PPM1L: variants seen among roughly 807,000 people sequenced by gnomAD.
PPM1L encodes the protein protein phosphatase, Mg2+/Mn2+ dependent 1L.
In PPM1L, 13 loss-of-function variants were observed where a neutral mutation model predicts 31.4. The observed-to-expected ratio is 0.41, with a 90% confidence interval of 0.27 to 0.66. The LOEUF (loss-of-function observed/expected upper bound fraction) is 0.66, where lower values mean the gene tolerates loss of function less well. PPM1L is among the 30% of genes least tolerant of loss of function. The pLI is 0.29. For missense variants in PPM1L, 326 were observed against 453.7 expected, an observed-to-expected ratio of 0.72 and a Z score of 2.56; for synonymous variants, 184 against 175.4, an observed-to-expected ratio of 1.05 and a Z score of -0.39.
At chr3:160,920,609 TCTCTCTCA>T (rs1299937059) in intron 1 of PPM1L, among the ~76,000 whole-genome samples, 797 of 49,222 alleles carry the variant, frequency 0.016, 17 homozygotes, top group Admixed American at 0.089. Flanking sequence ...TCTCTCTCTC[TCTCTCTCA>T]CACACACACA....
chr3:161,007,109 G>A (rs1717738268), intron 2 of PPM1L, among the ~76,000 whole-genome samples: 1 of 152,216 alleles, frequency 6.6e-6, no homozygotes, highest in Non-Finnish European at 1.5e-5. Flanking sequence ...GTTCTAGACA[G>A]TGTGGATTTA....
chr3:160,994,152 A>T (rs746244312), intron 2 of PPM1L, among the ~76,000 whole-genome samples: 2 of 152,184 alleles, frequency 1.3e-5, no homozygotes, highest in Non-Finnish European at 2.9e-5. Flanking sequence ...TCCAGAAAAT[A>T]GTAATTGGGC....
At position 160,987,859 on chromosome 3, in the gene PPM1L, C is replaced by T. The variant is rs560689336; in HGVS notation, c.574+25949C>T. On this transcript the variant is annotated intron_variant, in intron 2 of 3. Transcript: ENST00000498165. ...TAAATAATAAAATGAGTTTTTAAAT[C>T]GTCACATAGCTTCACTTTGTTCCTT... Among the ~76,000 whole-genome samples, 8 of 152,264 alleles carry T rather than the reference C, an allele frequency of 5.3e-5. No individual in the cohort carries two copies. The East Asian group carries it at 1.2e-3, about 22-fold the overall frequency.
intron 1 of PPM1L, among the ~76,000 whole-genome samples, chr3:160,815,718 A>T (rs773658892): frequency 6.6e-6 from 1 of 152,184 alleles, no homozygotes; most frequent in Non-Finnish European, 1.5e-5. Flanking sequence ...GACTGTGCAG[A>T]GTGCCAGATT....
At position 160,912,991 on chromosome 3, in the gene PPM1L, G is replaced by A. The variant is rs568046215; in HGVS notation, c.400-48745G>A. ...ACCTCTTTGAGTTGTTCATTTGGTG[G>A]CATTACATACTGTGATGGGGTAAGA... is the stretch of plus-strand genomic sequence containing the variant. On this transcript the variant is annotated intron_variant, in intron 1 of 3. Coordinates refer to ENST00000498165, the MANE Select transcript of PPM1L (RefSeq NM_139245.4). Among the ~76,000 whole-genome samples, 5 of 152,216 alleles carry A rather than the reference G, an allele frequency of 3.3e-5. No individual in the cohort carries two copies. The South Asian group carries it at 1.0e-3, about 32-fold the overall frequency.
intron 2 of PPM1L, among the ~76,000 whole-genome samples, chr3:160,986,860 T>G (rs1716980727): frequency 6.6e-6 from 1 of 152,236 alleles, no homozygotes; most frequent in Non-Finnish European, 1.5e-5. Context: ...TATCAAAGTT[T>G]CTTACATATT....
intron 1 of PPM1L, among the ~76,000 whole-genome samples, chr3:160,838,908 C>A (rs974228337): frequency 2.6e-5 from 4 of 152,056 alleles, no homozygotes; most frequent in African/African-American, 9.7e-5. Flanking sequence ...ACTTAATACC[C>A]AAATTTATAT....
At chr3:160,771,919 A>G (rs1042902721) in intron 1 of PPM1L, among the ~76,000 whole-genome samples, 1 of 152,004 alleles carries the variant, frequency 6.6e-6, no homozygotes, top group Non-Finnish European at 1.5e-5. Context: ...TTATTCTCTA[A>G]TGATTTCAGA....
chr3:160,776,929 T>A (rs1711573053), intron 1 of PPM1L, among the ~76,000 whole-genome samples: 1 of 151,866 alleles, frequency 6.6e-6, no homozygotes, highest in South Asian at 2.1e-4. Flanking sequence ...GGGTGCCCTA[T>A]AAAGGTTTGT....
chr3:160,869,463 AG>A (rs1299744946), intron 1 of PPM1L, among the ~76,000 whole-genome samples: 1 of 152,206 alleles, frequency 6.6e-6, no homozygotes, highest in Non-Finnish European at 1.5e-5. Context: ...GTTAGGCATA[AG>A]GCTGTAACCT....
At chr3:160,778,380 G>A (rs1467440188) in intron 1 of PPM1L, among the ~76,000 whole-genome samples, 1 of 151,942 alleles carries the variant, frequency 6.6e-6, no homozygotes, top group Non-Finnish European at 1.5e-5. Flanking sequence ...CAAGAAAGTT[G>A]CAAGGCTAGT....
rs141262027 is a variant in PPM1L at position 160,987,002 on chromosome 3, G to T, written c.574+25092G>T. ...TGTCCTTGTTGTAATGGTGAATAAT[G>T]AGTTTTATTTGTCTTCACTTAATGT... On this transcript the variant is annotated intron_variant, in intron 2 of 3. Transcript: ENST00000498165. Among the ~76,000 whole-genome samples, 257 of 152,306 alleles carry T rather than the reference G, an allele frequency of 1.7e-3. 1 individual carries two copies. The highest frequency in any genetic ancestry group is 2.7e-3 in the Non-Finnish European group (182 of 68,036).
intron 1 of PPM1L, among the ~76,000 whole-genome samples, chr3:160,937,242 A>C (rs1333029032): frequency 2.0e-5 from 3 of 152,244 alleles, no homozygotes; most frequent in Admixed American, 6.5e-5. Context: ...AGCTGGTTAA[A>C]TAATTTAAAT....
chr3:160,756,657 A>G lies in PPM1L; in HGVS notation c.349A>G (p.Asn117Asp). 2 of 1,614,042 alleles carry G rather than the reference A, an allele frequency of 1.2e-6. No individual in the cohort carries two copies. The highest frequency in any genetic ancestry group is 1.7e-5 in the Admixed American group (1 of 60,022). ...CTTCGAAGTTCTCACGGATCTGGCC[A>G]ACAAGACGCACCCGTCCATCTTCGG... ...DRFEVLTDLA[N>D]KTHPSIFGIF... Residue 117 changes from asparagine (N) to aspartate (D), a missense_variant, in exon 1 of 4, where the codon AAC (asparagine) becomes GAC (aspartate). Physicochemically the swap from Asn to Asp is conservative, Grantham distance 23. This residue lies in a region of PPM1L where 83 missense variants were observed against 79.4 expected (regional missense o/e 1.04). Transcript: ENST00000498165. The surrounding 1 kb of genome is among the most constrained non-coding windows in gnomAD (Gnocchi z 6.2).
chr3:160,758,810 T>A (rs1714885923), intron 1 of PPM1L, among the ~76,000 whole-genome samples: 2 of 152,338 alleles, frequency 1.3e-5, no homozygotes, highest in South Asian at 4.1e-4. Flanking sequence ...AAGATGATAA[T>A]CTTTAGCCAA....
chr3:160,948,555 G>C lies in PPM1L; in HGVS notation c.400-13181G>C, dbSNP rs1228371707. ...TTTGCCACAGGTCATTTTGTGGCCT[G>C]TTTTACGCAGCTTGCTGAGATTTGC... On this transcript the variant is annotated intron_variant, in intron 1 of 3. Transcript: ENST00000498165. Among the ~76,000 whole-genome samples the C allele has an allele frequency of 2.0e-5, 3 of 152,132 alleles. No individual in the cohort carries two copies. The East Asian group carries it at 5.8e-4, about 29-fold the overall frequency.
intron 2 of PPM1L, among the ~76,000 whole-genome samples, chr3:161,025,722 T>C (rs1188978177): frequency 6.6e-6 from 1 of 152,138 alleles, no homozygotes; most frequent in African/African-American, 2.4e-5. Context: ...TGTGAGAAAA[T>C]TAATTTCTGT....
At chr3:160,889,629 G>A (rs1210842933) in intron 1 of PPM1L, among the ~76,000 whole-genome samples, 6 of 152,176 alleles carry the variant, frequency 3.9e-5, no homozygotes, top group African/African-American at 9.7e-5. Flanking sequence ...GAAAAGGAGG[G>A]ACTCCTCCCT....
chr3:160,931,675 G>T (rs1714792188), intron 1 of PPM1L, among the ~76,000 whole-genome samples: 1 of 152,174 alleles, frequency 6.6e-6, no homozygotes, highest in Non-Finnish European at 1.5e-5. Context: ...ATTTGTCCTT[G>T]TTTTCAGTTC....
Sources: gnomAD v4.1 joint callset for allele counts (sites outside exome capture counted in the v4.1 genomes callset) on GRCh38, gnomAD v4.1.1 for gene constraint, gnomAD v4.1.1 regional missense constraint, Gnocchi (gnomAD v3.1) non-coding constraint, MANE v1.5 for transcripts, NCBI Gene and HGNC (gene_info 2026-07-23, HGNC 2026-07-21) for gene names.